The following CENPK variants were observed in gnomAD, a reference collection of about 807,000 sequenced individuals.
CENPK encodes centromere protein K.
In CENPK, 46 loss-of-function variants were observed where a neutral mutation model predicts 40.9. That is an observed-to-expected ratio of 1.13 (90% confidence interval 0.89 to 1.44). The LOEUF is 1.44. Among genes scored for constraint, CENPK ranks in the 40% most tolerant of loss-of-function variants. The pLI, the probability that CENPK is intolerant of heterozygous loss-of-function variation, is 0.00. For missense variants in CENPK, 288 were observed against 303.5 expected, an observed-to-expected ratio of 0.95 and a Z score of 0.38; for synonymous variants, 107 against 104.4, an observed-to-expected ratio of 1.02 and a Z score of -0.15.
chr5:65,519,643 C>T (rs770291609), intron 10 of CENPK, among the ~76,000 whole-genome samples: 2 of 152,022 alleles, frequency 1.3e-5, no homozygotes, highest in Non-Finnish European at 2.9e-5. Flanking sequence ...TTACAAAGTG[C>T]CATAGAAATA....
At chr5:65,511,815 C>A in the CENPK span, among the ~76,000 whole-genome samples, 1 of 151,974 alleles carries the variant, frequency 6.6e-6, no homozygotes, top group Non-Finnish European at 1.5e-5. Context: ...CCCCCCAGCC[C>A]CACTCTGGGT....
At chr5:65,557,950 T>C (rs1751268983) in intron 2 of CENPK, among the ~76,000 whole-genome samples, 1 of 152,060 alleles carries the variant, frequency 6.6e-6, no homozygotes, top group Non-Finnish European at 1.5e-5. Flanking sequence ...TTCAAGAACG[T>C]TTTCTCTAGC....
intron 3 of CENPK, among the ~76,000 whole-genome samples, chr5:65,554,005 T>C (rs1750568218): frequency 6.6e-6 from 1 of 152,206 alleles, no homozygotes; most frequent in East Asian, 1.9e-4. Context: ...CTTCTCCTAA[T>C]TTACATTATC....
At chr5:65,514,368 G>T (rs1209849033), downstream of CENPK, among the ~76,000 whole-genome samples, 1 of 149,288 alleles carries the variant, frequency 6.7e-6, no homozygotes, top group Non-Finnish European at 1.5e-5. Context: ...GGGTTCAAGT[G>T]ATTCTTTTGC....
chr5:65,522,016 C>G (rs1290902471), intron 9 of CENPK, among the ~76,000 whole-genome samples: 14 of 152,124 alleles, frequency 9.2e-5, no homozygotes, highest in Admixed American at 8.5e-4. Flanking sequence ...AAGTCAGATT[C>G]ATAAAAATGC....
chr5:65,509,040 C>CA, the CENPK span, among the ~76,000 whole-genome samples: 5 of 151,996 alleles, frequency 3.3e-5, no homozygotes, highest in African/African-American at 1.2e-4. Context: ...ATTCAGAATA[C>CA]AAAAAAACTC....
chr5:65,545,066 G>A (rs892973664), intron 5 of CENPK, among the ~76,000 whole-genome samples: 2 of 152,032 alleles, frequency 1.3e-5, no homozygotes, highest in Admixed American at 6.6e-5. Flanking sequence ...AACAAAACCT[G>A]AGGGACTTGG....
intron 2 of CENPK, chr5:65,561,223 T>A: frequency 3.9e-6 from 1 of 255,652 alleles, no homozygotes; most frequent in East Asian, 9.1e-5. Context: ...CAGTTTAAGT[T>A]CACAAAGCCA....
intron 2 of CENPK, 104 bp downstream of exon 2, chr5:65,561,359 G>A: frequency 3.6e-6 from 1 of 278,800 alleles, no homozygotes; most frequent in South Asian, 3.1e-5. Context: ...CATGTGGTGG[G>A]GGCGGAGGGT....
At chr5:65,509,909 T>G in the CENPK span, among the ~76,000 whole-genome samples, 3 of 152,240 alleles carry the variant, frequency 2.0e-5, no homozygotes, top group Non-Finnish European at 2.9e-5. Context: ...TGTAATTGTT[T>G]GGAGGAATCA....
chr5:65,522,305 C>G (rs1312151183), intron 9 of CENPK, among the ~76,000 whole-genome samples: 1 of 152,168 alleles, frequency 6.6e-6, no homozygotes, highest in Non-Finnish European at 1.5e-5. Flanking sequence ...TTCCTTGGAA[C>G]GACGAGAATA....
At chr5:65,502,796 T>TTTTA in the CENPK span, among the ~76,000 whole-genome samples, 388 of 151,734 alleles carry the variant, frequency 2.6e-3, 2 homozygotes, top group African/African-American at 8.8e-3. Flanking sequence ...AATTTTTAAA[T>TTTTA]TTTATTTATT....
At chr5:65,555,449 T>G (rs556211219) in intron 2 of CENPK, among the ~76,000 whole-genome samples, 5 of 152,132 alleles carry the variant, frequency 3.3e-5, no homozygotes, top group African/African-American at 1.2e-4. Context: ...AGAGAGACAA[T>G]AGGGATGAGA....
At chr5:65,524,432 T>C (rs1376328748) in intron 9 of CENPK, among the ~76,000 whole-genome samples, 7 of 136,546 alleles carry the variant, frequency 5.1e-5, no homozygotes, top group African/African-American at 1.7e-4. Context: ...GGGCGGATCA[T>C]AAGGTCAGGA....
Position 65,518,519 on chromosome 5 carries a change from G to T in CENPK, c.766C>A (p.Pro256Thr). 1 of 1,612,770 alleles carries T rather than the reference G, an allele frequency of 6.2e-7. No individual in the cohort carries two copies. The highest frequency in any genetic ancestry group is 8.5e-7 in the Non-Finnish European group (1 of 1,179,624). ...LLRNGIALRH[P>T]EDPTRIRLEA... ...AATCTTATTCGGGTTGGATCTTCTG[G>T]ATGTCTCAAGGCAATTCCATTACGC... The change falls in exon 11 of 11, where the codon CCA (proline) becomes ACA (threonine). Residue 256 changes from proline (P) to threonine (T), a missense_variant. By Grantham distance (38) the Pro-to-Thr change is conservative. Coordinates refer to ENST00000396679, the MANE Select transcript of CENPK (RefSeq NM_022145.5).
intron 9 of CENPK, 66 bp downstream of exon 9, chr5:65,528,386 C>T (rs1399488358): frequency 2.1e-6 from 3 of 1,462,812 alleles, no homozygotes; most frequent in Non-Finnish European, 2.8e-6. Flanking sequence ...AGAAAATATG[C>T]TTCTAAACCC....
At chr5:65,532,300 C>T (rs1745985843) in intron 6 of CENPK, among the ~76,000 whole-genome samples, 1 of 152,062 alleles carries the variant, frequency 6.6e-6, no homozygotes, top group African/African-American at 2.4e-5. Flanking sequence ...ATTTTAGGCC[C>T]AGATGGTTTC....
At position 65,518,529 on chromosome 5, in the gene CENPK, G is replaced by C; in HGVS notation, c.756C>G (p.Ala252=). Residue 252 remains alanine (A), a synonymous_variant, in exon 11 of 11, where the codon GCC becomes GCG. Transcript: ENST00000396679. ...YVELLLRNGI[A]LRHPEDPTRI... is the part of the protein sequence containing the mutation. The stretch of plus-strand genomic sequence containing the variant: ...GGGTTGGATCTTCTGGATGTCTCAA[G>C]GCAATTCCATTACGCAGCAGCAGCT... 1 of 1,613,392 alleles carries C rather than the reference G, an allele frequency of 6.2e-7. No individual in the cohort carries two copies. Among genetic ancestry groups the C allele is most frequent in the Non-Finnish European group, 8.5e-7 (1 of 1,179,778 alleles).
chr5:65,562,147 T>A (rs1392830647), intron 1 of CENPK, among the ~76,000 whole-genome samples: 1 of 152,092 alleles, frequency 6.6e-6, no homozygotes, highest in African/African-American at 2.4e-5. Flanking sequence ...GTTAACTAGC[T>A]ACATTATTAT....
Sources: gnomAD v4.1 joint callset for allele counts (sites outside exome capture counted in the v4.1 genomes callset) on GRCh38, gnomAD v4.1.1 for gene constraint, MANE v1.5 for transcripts, NCBI Gene and HGNC (gene_info 2026-07-23, HGNC 2026-07-21) for gene names.